The following SLC38A6 variants were observed in gnomAD, a reference collection of about 807,000 sequenced individuals.
SLC38A6 encodes solute carrier family 38 member 6, also known as N system amino acid transporter NAT-1.
In SLC38A6, 73 loss-of-function variants were observed where a neutral mutation model predicts 65.0. The ratio of observed to expected loss-of-function variants is 1.12; its 90% CI spans 0.93 to 1.37. The LOEUF (loss-of-function observed/expected upper bound fraction) is 1.37, where lower values mean the gene tolerates loss of function less well. Among genes scored for constraint, SLC38A6 ranks in the 40% most tolerant of loss-of-function variants. The pLI is 0.00. For synonymous variants in SLC38A6, 183 were observed against 178.8 expected, an observed-to-expected ratio of 1.02 and a Z score of -0.19; for missense variants, 561 against 531.1, an observed-to-expected ratio of 1.06 and a Z score of -0.55.
At chr14:61,014,014 G>A (rs1318210452) in intron 3 of SLC38A6, among the ~76,000 whole-genome samples, 1 of 152,132 alleles carries the variant, frequency 6.6e-6, no homozygotes, top group Non-Finnish European at 1.5e-5. Flanking sequence ...ATCACTTTCA[G>A]GTACACCAAT....
intron 15 of SLC38A6, among the ~76,000 whole-genome samples, chr14:61,064,453 AG>A (rs1351658511): frequency 6.6e-6 from 1 of 151,936 alleles, no homozygotes; most frequent in African/African-American, 2.4e-5. Flanking sequence ...CTCATGAGAT[AG>A]GATCATGGGA....
chr14:61,081,255 A>G (rs535635600), intron 16 of SLC38A6, among the ~76,000 whole-genome samples: 1 of 152,334 alleles, frequency 6.6e-6, no homozygotes, highest in Non-Finnish European at 1.5e-5. Context: ...AAGAATGGAA[A>G]CCAAGGTAAA....
intron 4 of SLC38A6, among the ~76,000 whole-genome samples, chr14:61,017,613 C>T (rs1040661711): frequency 6.6e-6 from 1 of 152,158 alleles, no homozygotes; most frequent in Admixed American, 6.5e-5. Flanking sequence ...AACCTATAAA[C>T]ATAACTCTAA....
chr14:61,080,223 C>T (rs1237141901), intron 16 of SLC38A6, among the ~76,000 whole-genome samples: 1 of 152,196 alleles, frequency 6.6e-6, no homozygotes, highest in African/African-American at 2.4e-5. Flanking sequence ...CTATGACTGA[C>T]AATGATAAGG....
chr14:61,028,585 A>G (rs1413170065), intron 5 of SLC38A6, among the ~76,000 whole-genome samples: 1 of 152,190 alleles, frequency 6.6e-6, no homozygotes, highest in African/African-American at 2.4e-5. Context: ...TATGAACAAT[A>G]CAGAACACAT....
chr14:61,064,513 A>G (rs2042961567), intron 15 of SLC38A6, among the ~76,000 whole-genome samples: 1 of 151,078 alleles, frequency 6.6e-6, no homozygotes, highest in Admixed American at 6.6e-5. Context: ...ACTTAGTAGC[A>G]AGAAAAATTA....
chr14:61,005,200 C>T (rs1336644218), intron 3 of SLC38A6, among the ~76,000 whole-genome samples: 1 of 152,084 alleles, frequency 6.6e-6, no homozygotes, highest in Non-Finnish European at 1.5e-5. Context: ...GAAGAGCTAT[C>T]TATGACAAAC....
At chr14:61,003,213 C>G (rs1014253631) in intron 3 of SLC38A6, among the ~76,000 whole-genome samples, 2 of 151,860 alleles carry the variant, frequency 1.3e-5, no homozygotes, top group African/African-American at 4.8e-5. Context: ...GGAAACCGTT[C>G]CCTGCCAAAA....
chr14:60,981,422 C>A, intron 1 of SLC38A6, 40 bp downstream of exon 1: 1 of 1,554,454 alleles, frequency 6.4e-7, no homozygotes, highest in African/African-American at 1.4e-5. Context: ...TGACGCCCTC[C>A]GGCTTCCCTC....
Position 61,024,780 on chromosome 14 carries a change from C to G in SLC38A6, c.403+5200C>G, listed in dbSNP as rs116975969. ...TCTTCTTAGTCAAGCCAGAAAAAGTCTTATTAACTCTTACAAGCACATGAT... is the reference window on the plus strand; with the variant it reads ...TCTTCTTAGTCAAGCCAGAAAAAGTGTTATTAACTCTTACAAGCACATGAT... On this transcript the variant is annotated intron_variant, in intron 5 of 15. Coordinates refer to ENST00000267488, the MANE Select transcript of SLC38A6 (RefSeq NM_153811.3). Among the ~76,000 whole-genome samples, 166 of 152,240 alleles carry G rather than the reference C, an allele frequency of 1.1e-3. No homozygotes were observed. In the East Asian group the frequency reaches 0.023, roughly 21 times the overall value.
intron 2 of SLC38A6, 26 bp downstream of exon 2, chr14:60,982,664 A>G (rs772307893): frequency 1.9e-6 from 3 of 1,571,406 alleles, no homozygotes; most frequent in South Asian, 2.4e-5. Flanking sequence ...TTAGCATCAA[A>G]TTTTTTTTTC....
chr14:61,032,259 A>G (rs1253317406), intron 6 of SLC38A6, among the ~76,000 whole-genome samples: 1 of 151,794 alleles, frequency 6.6e-6, no homozygotes, highest in African/African-American at 2.4e-5. Flanking sequence ...TCCTATTTAT[A>G]TTCTTTTATT....
At chr14:61,023,153 G>T (rs145447099) in intron 5 of SLC38A6, among the ~76,000 whole-genome samples, 90 of 152,214 alleles carry the variant, frequency 5.9e-4, no homozygotes, top group East Asian at 5.6e-3. Flanking sequence ...AATATACTAT[G>T]TAAGTGATAA....
At chr14:61,010,090 G>T (rs1180421028) in intron 3 of SLC38A6, among the ~76,000 whole-genome samples, 2 of 152,158 alleles carry the variant, frequency 1.3e-5, no homozygotes, top group African/African-American at 4.8e-5. Flanking sequence ...GGTGTGAGAT[G>T]GTATCTCACT....
chr14:61,003,348 T>G (rs2038840792), intron 3 of SLC38A6, among the ~76,000 whole-genome samples: 1 of 152,126 alleles, frequency 6.6e-6, no homozygotes, highest in Non-Finnish European at 1.5e-5. Context: ...TGGCTACATA[T>G]TATTCTATCA....
intron 15 of SLC38A6, among the ~76,000 whole-genome samples, chr14:61,064,384 CT>C (rs1173469575): frequency 1.3e-5 from 2 of 152,138 alleles, no homozygotes; most frequent in East Asian, 3.9e-4. Context: ...AGGATGCCCC[CT>C]GGGGGCAATT....
At chr14:60,984,901 C>A in intron 3 of SLC38A6, 98 bp downstream of exon 3, 2 of 1,165,906 alleles carry the variant, frequency 1.7e-6, no homozygotes, top group Non-Finnish European at 2.5e-6. Flanking sequence ...ATCCAGTGAG[C>A]ATACATTTTT....
chr14:61,004,291 G>A (rs932399318), intron 3 of SLC38A6: 11 of 152,084 alleles, frequency 7.2e-5, no homozygotes, highest in African/African-American at 2.4e-4. Context: ...ACATACTCCG[G>A]TTAGCCTTTT....
At chr14:61,066,234 A>G (rs943126559) in intron 15 of SLC38A6, among the ~76,000 whole-genome samples, 3 of 152,242 alleles carry the variant, frequency 2.0e-5, no homozygotes, top group Non-Finnish European at 4.4e-5. Context: ...AGTAGGAAAC[A>G]AAATTTTGAT....
Sources: gnomAD v4.1 joint callset for allele counts (sites outside exome capture counted in the v4.1 genomes callset) on GRCh38, gnomAD v4.1.1 for gene constraint, MANE v1.5 for transcripts, NCBI Gene and HGNC (gene_info 2026-07-23, HGNC 2026-07-21) for gene names.